Variants in MACROD2 observed in about 807,000 individuals in gnomAD.
The protein encoded by MACROD2 is mono-ADP ribosylhydrolase 2, also known as ADP-ribose glycohydrolase MACROD2.
MACROD2 carries 36 observed loss-of-function variants against 70.4 expected under a neutral mutation model. The observed-to-expected ratio is 0.51, with a 90% CI of 0.39 to 0.68. The LOEUF (loss-of-function observed/expected upper bound fraction) is 0.68. Ranked by LOEUF, MACROD2 falls within the 30% of genes least tolerant of loss-of-function variation. MACROD2 has a pLI of 0.00. For missense variants in MACROD2, 496 were observed against 538.4 expected, an observed-to-expected ratio of 0.92 and a Z score of 0.78; for synonymous variants, 172 against 178.8, an observed-to-expected ratio of 0.96 and a Z score of 0.30.
intron 5 of MACROD2, among the ~76,000 whole-genome samples, chr20:15,176,626 G>A (rs2076464248): frequency 1.3e-5 from 2 of 152,108 alleles, no homozygotes; most frequent in African/African-American, 2.4e-5. Flanking sequence ...GGGCTGTTCT[G>A]TCACTCAATG....
At chr20:14,823,702 C>T (rs6042939) in intron 5 of MACROD2, among the ~76,000 whole-genome samples, 2,978 of 152,174 alleles carry the variant, frequency 0.02, 106 homozygotes, top group African/African-American at 0.066. Flanking sequence ...ACCTTGCTGA[C>T]GGGAAGGCTT....
At position 14,792,372 on chromosome 20, in the gene MACROD2, T is replaced by C. The variant is rs1223087259; in HGVS notation, c.418+107413T>C. Among the ~76,000 whole-genome samples the C allele has an allele frequency of 2.6e-5, 4 of 152,110 alleles. 1 individual carries two copies. The highest frequency in any genetic ancestry group is 5.9e-5 in the Non-Finnish European group (4 of 68,030). On this transcript the variant is annotated intron_variant, in intron 5 of 17. Coordinates refer to ENST00000684519, the MANE Select transcript of MACROD2 (RefSeq NM_001351661.2). ...CTACTTGACCGTAGTAAACATACTC[T>C]GCACTCCAGTGTCAGTGCCAGGTTA...
At chr20:14,637,937 G>C (rs1484291667) in intron 4 of MACROD2, among the ~76,000 whole-genome samples, 1 of 152,104 alleles carries the variant, frequency 6.6e-6, no homozygotes, top group Non-Finnish European at 1.5e-5. Flanking sequence ...CTCCTGTCAG[G>C]ATTTTGGAAG....
At chr20:15,563,934 T>C (rs2048278078) in intron 8 of MACROD2, among the ~76,000 whole-genome samples, 1 of 152,210 alleles carries the variant, frequency 6.6e-6, no homozygotes. Context: ...CTTTCCTTTT[T>C]CCGTGTGTGT....
intron 3 of MACROD2, among the ~76,000 whole-genome samples, chr20:14,276,419 T>C (rs1409062587): frequency 7.4e-6 from 1 of 134,548 alleles, no homozygotes; most frequent in East Asian, 2.3e-4. Flanking sequence ...TAGGTGGGAA[T>C]TGAACAATGA....
intron 6 of MACROD2, among the ~76,000 whole-genome samples, chr20:15,341,380 G>A (rs2078108720): frequency 6.6e-6 from 1 of 152,018 alleles, no homozygotes; most frequent in South Asian, 2.1e-4. Context: ...AGTATCTTAT[G>A]AATTGCCTAG....
chr20:15,181,455 C>T (rs2076499945), intron 5 of MACROD2, among the ~76,000 whole-genome samples: 1 of 152,128 alleles, frequency 6.6e-6, no homozygotes, highest in Non-Finnish European at 1.5e-5. Flanking sequence ...AATGCTTGTC[C>T]AAAGTACTCA....
In MACROD2 at chr20:14,493,525, A is replaced by G. The variant is rs1277303077; in HGVS notation, c.301+17A>G. The G allele has an allele frequency of 1.2e-6, 2 of 1,600,734 alleles. No individual in the cohort carries two copies. Among genetic ancestry groups the G allele is most frequent in the African/African-American group, 1.3e-5 (1 of 74,796 alleles). On this transcript the variant is annotated intron_variant, in intron 4 of 17. Transcript: ENST00000684519. Reference sequence around the variant, plus strand: ...GAGGAGGTGGTAAGTCCTGAACATCACTTAACTTAAAATACATTTTAATTG... The same window carrying G: ...GAGGAGGTGGTAAGTCCTGAACATCGCTTAACTTAAAATACATTTTAATTG...
intron 6 of MACROD2, among the ~76,000 whole-genome samples, chr20:15,381,339 C>G (rs1051708998): frequency 1.3e-5 from 2 of 151,732 alleles, no homozygotes; most frequent in Non-Finnish European, 2.9e-5. Context: ...CTAAGGCCAC[C>G]GAGAGAGCAC....
At position 14,340,508 on chromosome 20, in the gene MACROD2, T is replaced by C. The variant is rs539268773; in HGVS notation, c.272-152971T>C. 2.0e-5 allele frequency among the ~76,000 whole-genome samples: 3 copies of C among 152,238 alleles called. No homozygotes were observed. The South Asian group carries it at 6.2e-4, about 32-fold the overall frequency. On this transcript the variant is annotated intron_variant, in intron 3 of 17. Transcript: ENST00000684519. ...GCCAATAACAGATTTTTGGAATTTTTCAAATTTCTCTTTGAAGTAATTTTA... is the reference window on the plus strand; with the variant it reads ...GCCAATAACAGATTTTTGGAATTTTCCAAATTTCTCTTTGAAGTAATTTTA...
intron 6 of MACROD2, among the ~76,000 whole-genome samples, chr20:15,277,054 G>A (rs973555062): frequency 6.6e-6 from 1 of 152,310 alleles, no homozygotes; most frequent in South Asian, 2.1e-4. Flanking sequence ...TTACCTCAAA[G>A]AGCAAGGAAT....
intron 3 of MACROD2, among the ~76,000 whole-genome samples, chr20:14,210,425 A>G (rs7261715): frequency 0.023 from 3,568 of 152,270 alleles, 41 homozygotes; most frequent in African/African-American, 0.029. Flanking sequence ...CTTTGAATAC[A>G]CTTCCTGCTG....
chr20:15,890,196 T>A (rs1044429809), intron 10 of MACROD2, among the ~76,000 whole-genome samples: 11 of 152,012 alleles, frequency 7.2e-5, no homozygotes, highest in African/African-American at 2.7e-4. Flanking sequence ...CTTTAGGGGG[T>A]GCTTAGATAT....
At chr20:15,501,528 C>G (rs570137670) in intron 8 of MACROD2, among the ~76,000 whole-genome samples, 62 of 152,174 alleles carry the variant, frequency 4.1e-4, no homozygotes, top group Non-Finnish European at 7.2e-4. Flanking sequence ...ATTTTCTAAT[C>G]TAGTGTTTTC....
At chr20:15,423,058 T>C (rs1298370545) in intron 6 of MACROD2, among the ~76,000 whole-genome samples, 1 of 151,560 alleles carries the variant, frequency 6.6e-6, no homozygotes, top group East Asian at 1.9e-4. Flanking sequence ...AAAACAAGCA[T>C]TACTTGTTAT....
chr20:15,055,416 C>G (rs890715578), intron 5 of MACROD2, among the ~76,000 whole-genome samples: 1 of 152,124 alleles, frequency 6.6e-6, no homozygotes, highest in Non-Finnish European at 1.5e-5. Flanking sequence ...TCTTGGTTTT[C>G]TCATCTAAAA....
chr20:14,046,715 T>TTTTATTTATTTA lies in MACROD2; in HGVS notation c.164-38875_164-38864dup, dbSNP rs57310891. Among the ~76,000 whole-genome samples, 426 of 145,890 alleles carry TTTTATTTATTTA rather than the reference T, an allele frequency of 2.9e-3. 2 individuals carry two copies. Among genetic ancestry groups the TTTTATTTATTTA allele is most frequent in the East Asian group, 5.1e-3 (25 of 4,944 alleles). Reference sequence around the variant, plus strand: ...TTCCCCTTTACTCCCAAGCATTCTCTTTTATTTATTTATTTATTTATTTAT... The same window carrying TTTTATTTATTTA: ...TTCCCCTTTACTCCCAAGCATTCTCTTTTATTTATTTATTTATTTATTTATTTATTTATTTAT... On this transcript the variant is annotated intron_variant, in intron 2 of 17. Coordinates refer to ENST00000684519, the MANE Select transcript of MACROD2 (RefSeq NM_001351661.2).
chr20:13,996,488 C>G (rs2052658304), intron 1 of MACROD2: 1 of 153,016 alleles, frequency 6.5e-6, no homozygotes, highest in African/African-American at 2.4e-5. Flanking sequence ...TCTCTGTATT[C>G]CATCCCCATT....
In MACROD2 at chr20:15,876,395, A is replaced by T. The variant is rs556588561; in HGVS notation, c.728-9369A>T. The stretch of plus-strand genomic sequence containing the variant: ...TTTTTGTCCTTGCGATAGTTTGCTG[A>T]GAATGATGGTTTCCAGCTTCATCCA... On this transcript the variant is annotated intron_variant, in intron 9 of 17. Coordinates refer to ENST00000684519, the MANE Select transcript of MACROD2 (RefSeq NM_001351661.2). 2.5e-4 allele frequency among the ~76,000 whole-genome samples: 38 copies of T among 152,152 alleles called. No homozygotes were observed. The South Asian group carries it at 7.5e-3, about 30-fold the overall frequency.
Sources: allele counts gnomAD v4.1 joint callset (sites outside exome capture counted in the v4.1 genomes callset), GRCh38; gene constraint gnomAD v4.1.1; transcripts MANE v1.5; gene names NCBI Gene and HGNC (gene_info 2026-07-23, HGNC 2026-07-21).